FANK1: variants seen among roughly 807,000 people sequenced by gnomAD.
FANK1 encodes the protein fibronectin type 3 and ankyrin repeat domains protein 1.
Under a neutral mutation model 45.3 loss-of-function variants are expected in FANK1, and 44 were observed. The observed-to-expected ratio is 0.97, with a 90% CI of 0.76 to 1.25. The LOEUF is 1.25. FANK1 is among the 50% of genes most tolerant of loss of function. The probability of loss-of-function intolerance (pLI) is 0.00; values close to 1 mark genes in which losing one functional copy is unlikely to be tolerated. For missense variants in FANK1, 391 were observed against 424.4 expected (o/e 0.92, Z 0.69); for synonymous variants, 149 against 152.5 (o/e 0.98, Z 0.17).
At chr10:125,975,156 T>A (rs1950778452) in intron 1 of FANK1, among the ~76,000 whole-genome samples, 1 of 152,234 alleles carries the variant, frequency 6.6e-6, no homozygotes. Context: ...TCCATCCATG[T>A]TCCCGCACAA....
Position 125,938,359 on chromosome 10 carries a change from A to G in FANK1, c.13+41704A>G, listed in dbSNP as rs944784948. 1.4e-4 allele frequency among the ~76,000 whole-genome samples: 22 copies of G among 152,366 alleles called. 1 individual carries two copies. The highest frequency in any genetic ancestry group is 1.2e-3 in the Admixed American group (19 of 15,310). ...CAATGATTGCCCAGTAGGAATGAGCACACAGTGTGAGACCTCAGTTGCTAA... is the reference window on the plus strand; with the variant it reads ...CAATGATTGCCCAGTAGGAATGAGCGCACAGTGTGAGACCTCAGTTGCTAA... On this transcript the variant is annotated intron_variant, in intron 1 of 10. Coordinates refer to ENST00000368693, the MANE Select transcript of FANK1 (RefSeq NM_145235.5).
intron 1 of FANK1, among the ~76,000 whole-genome samples, chr10:125,968,743 A>G (rs1950318065): frequency 6.6e-6 from 1 of 152,180 alleles, no homozygotes; most frequent in African/African-American, 2.4e-5. Flanking sequence ...TCCTTTTAAA[A>G]AATGTAGGAT....
intron 3 of FANK1, among the ~76,000 whole-genome samples, chr10:125,992,178 A>G (rs1951995109): frequency 6.6e-6 from 1 of 152,206 alleles, no homozygotes. Context: ...GGAATGAAAC[A>G]TTCTGTTCAC....
chr10:125,946,885 G>C (rs931536391), intron 1 of FANK1, among the ~76,000 whole-genome samples: 3 of 147,056 alleles, frequency 2.0e-5, no homozygotes, highest in African/African-American at 7.7e-5. Flanking sequence ...TACCCTCAAA[G>C]GGAAGCCCAT....
rs151217158 is a variant in FANK1 at position 125,970,757 on chromosome 10, C to T, written c.14-9404C>T. ...CAGGGAGGTTGCAGTGAGCCGAGATCGCGGCAGTACAGTCCAGCCTCGGCA... is the reference window on the plus strand; with the variant it reads ...CAGGGAGGTTGCAGTGAGCCGAGATTGCGGCAGTACAGTCCAGCCTCGGCA... On this transcript the variant is annotated intron_variant, in intron 1 of 10. Transcript: ENST00000368693. Among the ~76,000 whole-genome samples, 512 of 152,246 alleles carry T rather than the reference C, an allele frequency of 3.4e-3. 20 individuals carry two copies. In the East Asian group the frequency reaches 0.089, roughly 27 times the overall value.
chr10:125,929,982 C>A (rs186535229), intron 1 of FANK1, among the ~76,000 whole-genome samples: 4 of 152,324 alleles, frequency 2.6e-5, no homozygotes, highest in African/African-American at 7.2e-5. Context: ...ACCCTATTTT[C>A]CTGCCTCAGT....
chr10:125,975,899 TTGTG>T, intron 1 of FANK1, among the ~76,000 whole-genome samples: 1 of 152,342 alleles, frequency 6.6e-6, no homozygotes, highest in South Asian at 2.1e-4. Flanking sequence ...GTTGGCTTGT[TTGTG>T]TGGTTGCTTT....
intron 1 of FANK1, among the ~76,000 whole-genome samples, chr10:125,924,622 A>T (rs76954023): frequency 6.6e-6 from 1 of 152,256 alleles, no homozygotes; most frequent in Non-Finnish European, 1.5e-5. Context: ...AGCCTGGACA[A>T]CATGGTGAAA....
At chr10:126,002,549 T>G (rs1952845740) in intron 6 of FANK1, among the ~76,000 whole-genome samples, 2 of 152,148 alleles carry the variant, frequency 1.3e-5, no homozygotes, top group Non-Finnish European at 1.5e-5. Context: ...TGGCGCCATC[T>G]CAGCTCGGCT....
intron 2 of FANK1, among the ~76,000 whole-genome samples, chr10:125,987,996 G>T (rs1951679183): frequency 6.6e-6 from 1 of 152,184 alleles, no homozygotes; most frequent in South Asian, 2.1e-4. Flanking sequence ...TTCCTAAGAT[G>T]AACTTGACCA....
intron 1 of FANK1, among the ~76,000 whole-genome samples, chr10:125,952,081 G>T (rs749010190): frequency 2.0e-5 from 3 of 152,054 alleles, no homozygotes; most frequent in Admixed American, 6.6e-5. Context: ...GATAAGTTCA[G>T]GTGTGCATAA....
intron 7 of FANK1, 148 bp downstream of exon 7, chr10:126,005,197 C>T: frequency 2.3e-6 from 2 of 853,698 alleles, no homozygotes; most frequent in Non-Finnish European, 3.5e-6. Context: ...CCCCTGAAAC[C>T]TTAGAATGGA....
At chr10:125,946,651 T>C (rs1276592393) in intron 1 of FANK1, among the ~76,000 whole-genome samples, 257 of 149,934 alleles carry the variant, frequency 1.7e-3, no homozygotes, top group African/African-American at 5.6e-3. Context: ...CTGAAAGTGA[T>C]GGGGAGAATG....
chr10:125,998,769 C>A (rs1317616749), intron 6 of FANK1, among the ~76,000 whole-genome samples: 1 of 152,118 alleles, frequency 6.6e-6, no homozygotes, highest in Non-Finnish European at 1.5e-5. Context: ...ATTTAAACCG[C>A]CAAGTCAACC....
chr10:125,960,754 C>G (rs1475780308), intron 1 of FANK1, among the ~76,000 whole-genome samples: 2 of 152,326 alleles, frequency 1.3e-5, no homozygotes, highest in East Asian at 3.9e-4. Context: ...CCAGGATGGT[C>G]TCGATCTCCT....
intron 1 of FANK1, among the ~76,000 whole-genome samples, chr10:125,956,215 G>C (rs1167644639): frequency 8.4e-6 from 1 of 118,450 alleles, no homozygotes; most frequent in African/African-American, 3.1e-5. Context: ...GGGGGGGGCG[G>C]TGGTGGGGGT....
intron 1 of FANK1, among the ~76,000 whole-genome samples, chr10:125,900,957 G>GC (rs1245885136): frequency 3.1e-4 from 47 of 151,798 alleles, no homozygotes; most frequent in East Asian, 2.9e-3. Flanking sequence ...GCCTTTTTCT[G>GC]CCCCCCTTTT....
At chr10:126,003,181 T>C (rs148922602) in intron 6 of FANK1, among the ~76,000 whole-genome samples, 208 of 152,126 alleles carry the variant, frequency 1.4e-3, no homozygotes, top group Non-Finnish European at 2.2e-3. Flanking sequence ...TGTCCTATGT[T>C]CTGGATTTGC....
chr10:125,998,014 G>A (rs868432971), intron 6 of FANK1, among the ~76,000 whole-genome samples: 9 of 152,380 alleles, frequency 5.9e-5, no homozygotes, highest in Middle Eastern at 6.8e-3. Context: ...GGGGAAGAAC[G>A]TGACACACAT....
Sources: gnomAD v4.1 joint callset for allele counts (sites outside exome capture counted in the v4.1 genomes callset) on GRCh38, gnomAD v4.1.1 for gene constraint, MANE v1.5 for transcripts, NCBI Gene and HGNC (gene_info 2026-07-23, HGNC 2026-07-21) for gene names.